CDK13: variants seen among roughly 807,000 people sequenced by gnomAD.
CDK13 encodes the protein cyclin dependent kinase 13, also known as cyclin-dependent kinase 13.
CDK13 carries 40 observed loss-of-function variants against 137.6 expected under a neutral mutation model. That is an observed-to-expected ratio of 0.29 (90% confidence interval 0.23 to 0.38). The LOEUF is 0.38. Ranked by LOEUF, CDK13 falls within the 10% of genes least tolerant of loss-of-function variation. CDK13 has a pLI of 1.00. For synonymous variants in CDK13, 869 were observed against 760.1 expected, an observed-to-expected ratio of 1.14 and a Z score of -2.36; for missense variants, 1,704 against 1,951.8, an observed-to-expected ratio of 0.87 and a Z score of 2.39.
At chr7:40,048,836 TAG>T (rs1785811057) in intron 7 of CDK13, 1 of 151,354 alleles carries the variant, frequency 6.6e-6, no homozygotes, top group African/African-American at 2.5e-5. Flanking sequence ...TTTCCTTATA[TAG>T]TGTTCTAGAG....
At chr7:39,999,644 A>G (rs753984136) in intron 4 of CDK13, 144 bp downstream of exon 4, 46 of 798,512 alleles carry the variant, frequency 5.8e-5, no homozygotes, top group Middle Eastern at 3.0e-4. Context: ...TTTTTATTCT[A>G]TATATGCATT....
intron 2 of CDK13, 44 bp from the exon 3 acceptor site, chr7:39,997,446 TAGTC>T: frequency 2.1e-6 from 3 of 1,416,742 alleles, no homozygotes; most frequent in Non-Finnish European, 2.9e-6. Flanking sequence ...ATATTTTTAT[TAGTC>T]AACAAAATTT....
chr7:39,951,087 T>G lies in CDK13; in HGVS notation c.446T>G (p.Val149Gly), dbSNP rs2116054423. The change falls in exon 1 of 14, where the codon GTG (valine) becomes GGG (glycine). Residue 149 changes from valine to glycine, a missense_variant. Around this residue, in one of 5 missense-constraint regions of CDK13, gnomAD observed 1,051 missense variants for 931.0 expected, o/e 1.13. Transcript: ENST00000181839. ...GVTPLVEYED[V>G]SSQSEQGLLL... Reference sequence around the variant, plus strand: ...ACCCCGCTGGTGGAATACGAGGATGTGAGCTCCCAGTCCGAGCAGGGGCTG... The same window carrying G: ...ACCCCGCTGGTGGAATACGAGGATGGGAGCTCCCAGTCCGAGCAGGGGCTG... The G allele has an allele frequency of 7.9e-7, 1 of 1,265,700 alleles. No individual in the cohort carries two copies. The highest frequency in any genetic ancestry group is 9.9e-7 in the Non-Finnish European group (1 of 1,007,200). The allele number at this position is 1,265,700 out of a possible 1,614,324, so 78.4% of individuals were successfully genotyped here. A position where few individuals can be genotyped will look rare whatever the true frequency, so the allele number is the denominator to read the frequency against.
intron 1 of CDK13, 90 bp downstream of exon 1, chr7:39,951,942 G>A: frequency 8.0e-7 from 1 of 1,257,150 alleles, no homozygotes; most frequent in Non-Finnish European, 1.0e-6. Flanking sequence ...TCCTCAGAAC[G>A]ACTCAGGTCC....
At chr7:40,063,141 G>C (rs747037817) in intron 9 of CDK13, 41 bp downstream of exon 9, 2 of 1,416,342 alleles carry the variant, frequency 1.4e-6, no homozygotes, top group Admixed American at 3.4e-5. Flanking sequence ...TTGGGAGAGT[G>C]TCATACTCCA....
chr7:40,093,883 G>A (rs1346776688), intron 13 of CDK13, among the ~76,000 whole-genome samples: 1 of 148,474 alleles, frequency 6.7e-6, no homozygotes, highest in Non-Finnish European at 1.5e-5. Flanking sequence ...TCCAGTCTGG[G>A]TGACAGAGTG....
chr7:40,031,526 A>G (rs920782867), intron 5 of CDK13, among the ~76,000 whole-genome samples: 2 of 152,178 alleles, frequency 1.3e-5, no homozygotes, highest in South Asian at 2.1e-4. Flanking sequence ...TGTCTCGAAA[A>G]AAAGAAAAGA....
At chr7:40,071,449 T>C (rs2150532214) in intron 9 of CDK13, 1 of 152,322 alleles carries the variant, frequency 6.6e-6, no homozygotes, top group South Asian at 2.1e-4. Context: ...TTTTGGATAA[T>C]GGTGCATATT....
chr7:40,042,760 G>C (rs867225972), intron 5 of CDK13, among the ~76,000 whole-genome samples: 1 of 150,552 alleles, frequency 6.6e-6, no homozygotes, highest in Non-Finnish European at 1.5e-5. Flanking sequence ...GATTACAGGT[G>C]TGAGCCACCG....
rs186230096 is a variant in CDK13, at chr7:39,977,267, G to A, written c.1212-10332G>A. Among the ~76,000 whole-genome samples, 61 of 152,310 alleles carry A rather than the reference G, an allele frequency of 4.0e-4. 2 individuals carry two copies. The highest frequency in any genetic ancestry group is 1.0e-4 in the Non-Finnish European group (7 of 68,022). ...GATAAGCAAAGGTAGGTTAGGACCA[G>A]ACAAATTATGCAGTACCTTGATACT... On this transcript the variant is annotated intron_variant, in intron 1 of 13. Coordinates refer to ENST00000181839, the MANE Select transcript of CDK13 (RefSeq NM_003718.5).
Position 40,097,663 on chromosome 7 carries a change from A to G in CDK13, c.*2683A>G, listed in dbSNP as rs1787075229. 6.6e-6 allele frequency: 1 copy of G among 152,132 alleles called. No individual in the cohort carries two copies. The highest frequency in any genetic ancestry group is 1.5e-5 in the Non-Finnish European group (1 of 67,976). 9.4% of individuals were successfully genotyped at this position (152,132 alleles called of 1,614,324 possible). ...TATAAAAGATTTGACCTGCCAAAAG[A>G]AGAAAGTATTTATCTTCTCCCACGT... On this transcript the variant is annotated 3_prime_UTR_variant, in exon 14 of 14. Transcript: ENST00000181839.
intron 2 of CDK13, among the ~76,000 whole-genome samples, chr7:39,990,359 T>C (rs1285141031): frequency 6.6e-6 from 1 of 152,222 alleles, no homozygotes; most frequent in Non-Finnish European, 1.5e-5. Flanking sequence ...GCACTTCTAC[T>C]ACATGTCTGT....
In CDK13 at chr7:39,951,288, A is replaced by G. The variant is rs1787176856; in HGVS notation, c.647A>G (p.His216Arg). Residue 216 changes from histidine to arginine, a missense_variant, in exon 1 of 14, where the codon CAC becomes CGC. Transcript: ENST00000181839. ...CGCAGCAAGGAGCGCCACCGCGAGC[A>G]CCGGCGGCGGGATGGGCAGCGCGGT... Reference protein sequence around the residue: ...SGRSKERHREHRRRDGQRGGS... With the variant: ...SGRSKERHRERRRRDGQRGGS... 5 of 1,362,922 alleles carry G rather than the reference A, an allele frequency of 3.7e-6. No homozygotes were observed. Among genetic ancestry groups the G allele is most frequent in the Non-Finnish European group, 4.7e-6 (5 of 1,066,940 alleles). The allele number at this position is 1,362,922 out of a possible 1,614,324, so 84.4% of individuals were successfully genotyped here. A position where few individuals can be genotyped will look rare whatever the true frequency, so the allele number is the denominator to read the frequency against.
At chr7:40,012,489 A>G (rs1178761023) in intron 5 of CDK13, among the ~76,000 whole-genome samples, 2 of 152,280 alleles carry the variant, frequency 1.3e-5, no homozygotes, top group East Asian at 3.9e-4. Flanking sequence ...AGTCCCAGCT[A>G]CTCAGGAGGC....
At chr7:40,000,671 T>TG (rs1562721499) in intron 4 of CDK13, among the ~76,000 whole-genome samples, 1 of 152,376 alleles carries the variant, frequency 6.6e-6, no homozygotes, top group East Asian at 1.9e-4. Flanking sequence ...TTTATAATGA[T>TG]GTGTTATCAA....
chr7:39,981,253 C>T (rs1034626965), intron 1 of CDK13, among the ~76,000 whole-genome samples: 25 of 151,936 alleles, frequency 1.6e-4, no homozygotes, highest in African/African-American at 4.3e-4. Flanking sequence ...CTGTAGTCCC[C>T]GCTACTTTTG....
At chr7:40,081,655 C>T (rs965151489) in intron 11 of CDK13, among the ~76,000 whole-genome samples, 1 of 152,196 alleles carries the variant, frequency 6.6e-6, no homozygotes, top group Non-Finnish European at 1.5e-5. Context: ...ATTAAATTGT[C>T]ATTGTAAATA....
chr7:40,027,483 T>C (rs1156640821), intron 5 of CDK13, among the ~76,000 whole-genome samples: 1 of 152,148 alleles, frequency 6.6e-6, no homozygotes, highest in Admixed American at 6.5e-5. Context: ...CTCAGCTGGG[T>C]CTAACCACAT....
chr7:39,951,023 C>A lies in CDK13; in HGVS notation c.382C>A (p.Gln128Lys). The change falls in exon 1 of 14, where the codon CAG (glutamine) becomes AAG (lysine). Residue 128 changes from glutamine (Q) to lysine (K), a missense_variant. Gln to Lys is a moderately conservative substitution (Grantham distance 53). Transcript: ENST00000181839. The part of the protein sequence containing the change: ...RRVFSLPQPQ[Q>K]DGGGGASSGG... The stretch of plus-strand genomic sequence containing the variant: ...GGTCTTCTCGCTGCCCCAGCCGCAG[C>A]AGGACGGCGGTGGCGGTGCTAGTAG... 7.7e-7 allele frequency: 1 copy of A among 1,299,044 alleles called. No individual in the cohort carries two copies. Among genetic ancestry groups the A allele is most frequent in the Non-Finnish European group, 9.7e-7 (1 of 1,026,430 alleles). The allele number at this position is 1,299,044 out of a possible 1,614,324, so 80.5% of individuals were successfully genotyped here. A position where few individuals can be genotyped will look rare whatever the true frequency, so the allele number is the denominator to read the frequency against.
Sources: allele counts gnomAD v4.1 joint callset (sites outside exome capture counted in the v4.1 genomes callset), GRCh38; gene constraint gnomAD v4.1.1; regional missense constraint gnomAD v4.1.1; transcripts MANE v1.5; gene names NCBI Gene and HGNC (gene_info 2026-07-23, HGNC 2026-07-21).